The following HYDIN variants were observed in gnomAD, a reference collection of about 807,000 sequenced individuals.
HYDIN encodes the protein axonemal central pair apparatus protein HYDIN.
HYDIN carries 132 observed loss-of-function variants against 403.9 expected under a neutral mutation model. The observed-to-expected ratio is 0.33, with a 90% CI of 0.28 to 0.38. The LOEUF (loss-of-function observed/expected upper bound fraction) is 0.38, where lower values mean the gene tolerates loss of function less well. HYDIN is among the 10% of genes least tolerant of loss of function. The probability of loss-of-function intolerance (pLI) is 1.00; values close to 1 mark genes in which losing one functional copy is unlikely to be tolerated. For synonymous variants in HYDIN, 1,202 were observed against 1,891.7 expected, an observed-to-expected ratio of 0.64 and a Z score of 9.46; for missense variants, 2,827 against 5,009.5, an observed-to-expected ratio of 0.56 and a Z score of 13.15.
intron 7 of HYDIN, among the ~76,000 whole-genome samples, chr16:71,145,286 A>G (rs1395706113): frequency 6.7e-6 from 1 of 150,184 alleles, no homozygotes; most frequent in African/African-American, 2.5e-5. Context: ...GATGGAGTCT[A>G]GCTCTGTCGC....
intron 10 of HYDIN, among the ~76,000 whole-genome samples, chr16:71,109,961 T>C (rs2083752430): frequency 7.8e-6 from 1 of 127,692 alleles, no homozygotes; most frequent in Non-Finnish European, 1.6e-5. Context: ...ACATTTCCTC[T>C]AGACCTATTA....
In HYDIN at chr16:70,807,812, A is replaced by C; in HGVS notation, c.15134T>G (p.Val5045Gly). The change falls in exon 86 of 86, where the codon GTC becomes GGC. Residue 5045 changes from valine (V) to glycine (G), a missense_variant. By Grantham distance (109) the Val-to-Gly change is moderately radical (BLOSUM62 -3). Coordinates refer to ENST00000393567, the MANE Select transcript of HYDIN (RefSeq NM_001270974.2). ...GYSIIIPFKN[V>G]FYHMVTFSII... ...GGAGAAGGTCACCATGTGATAGAAG[A>C]CATTCTTGAAGGGGATGATTATGCT... The C allele has an allele frequency of 6.2e-7, 1 of 1,614,200 alleles. No homozygotes were observed. Among genetic ancestry groups the C allele is most frequent in the Non-Finnish European group, 8.5e-7 (1 of 1,180,036 alleles).
In HYDIN at chr16:71,067,346, G is replaced by A. The variant is rs772295893; in HGVS notation, c.2019C>T (p.Leu673=). The change falls in exon 15 of 86, where the codon CTC becomes CTT. Residue 673 remains leucine (L), a synonymous_variant. Coordinates refer to ENST00000393567, the MANE Select transcript of HYDIN (RefSeq NM_001270974.2). ...CTCCGATGCCCTCCACGTCCACCACGAGTGCCAGCTCGTATTTCTGCACAG... is the reference window on the plus strand; with the variant it reads ...CTCCGATGCCCTCCACGTCCACCACAAGTGCCAGCTCGTATTTCTGCACAG... ...SNTVQKYELA[L]VVDVEGIGEE... 12 of 1,613,184 alleles carry A rather than the reference G, an allele frequency of 7.4e-6. No individual in the cohort carries two copies. The highest frequency in any genetic ancestry group is 4.4e-5 in the South Asian group (4 of 90,994).
chr16:71,180,236 T>C (rs1220020437), intron 3 of HYDIN, among the ~76,000 whole-genome samples: 5 of 151,908 alleles, frequency 3.3e-5, no homozygotes, highest in African/African-American at 7.2e-5. Flanking sequence ...ATAATAAATA[T>C]TATGTCAATA....
intron 25 of HYDIN, among the ~76,000 whole-genome samples, chr16:70,990,838 A>G (rs1007985395): frequency 1.3e-5 from 2 of 152,180 alleles, no homozygotes; most frequent in Non-Finnish European, 2.9e-5. Context: ...GCCAATTCAT[A>G]CTCCTACCCA....
At chr16:71,048,998 G>A (rs1315682301) in intron 18 of HYDIN, among the ~76,000 whole-genome samples, 3 of 152,214 alleles carry the variant, frequency 2.0e-5, no homozygotes, top group African/African-American at 4.8e-5. Flanking sequence ...ATAAATCAAC[G>A]AGTTGAAGCT....
intron 75 of HYDIN, among the ~76,000 whole-genome samples, chr16:70,849,520 AT>A (rs1305226844): frequency 6.6e-6 from 1 of 152,066 alleles, no homozygotes; most frequent in Non-Finnish European, 1.5e-5. Context: ...TTACAATATA[AT>A]TGCTTTTCAA....
At chr16:70,942,533 C>T (rs560628750) in intron 42 of HYDIN, among the ~76,000 whole-genome samples, 4 of 152,296 alleles carry the variant, frequency 2.6e-5, no homozygotes, top group Middle Eastern at 3.4e-3. Flanking sequence ...TGCCTTGGAG[C>T]GTAATGATTT....
chr16:70,887,798 C>T lies in HYDIN; in HGVS notation c.9774+1789G>A, dbSNP rs374266235. Among the ~76,000 whole-genome samples, 31 of 151,092 alleles carry T rather than the reference C, an allele frequency of 2.1e-4. No individual in the cohort carries two copies. The East Asian group carries it at 2.3e-3, about 11-fold the overall frequency. The stretch of plus-strand genomic sequence containing the variant: ...TCCCGGGTTCATGCCATTCTCCTGC[C>T]TCAGCCTCTCGAGTAGCTGGGACTA... On this transcript the variant is annotated intron_variant, in intron 58 of 85. Transcript: ENST00000393567.
chr16:71,115,583 C>A, intron 10 of HYDIN, 113 bp downstream of exon 10: 1 of 643,060 alleles, frequency 1.6e-6, no homozygotes, highest in South Asian at 2.1e-5. Context: ...TATCATGTAC[C>A]GCCCATGGCA....
intron 23 of HYDIN, among the ~76,000 whole-genome samples, chr16:71,005,019 T>A (rs2144084118): frequency 6.6e-6 from 1 of 152,346 alleles, no homozygotes; most frequent in South Asian, 2.1e-4. Context: ...AAGCCTGTGT[T>A]TTTGTTTACT....
At chr16:70,915,977 G>C (rs1183615870) in intron 47 of HYDIN, among the ~76,000 whole-genome samples, 1 of 152,260 alleles carries the variant, frequency 6.6e-6, no homozygotes, top group African/African-American at 2.4e-5. Context: ...CAAAGGGCTG[G>C]TCTTACTCCC....
intron 10 of HYDIN, among the ~76,000 whole-genome samples, chr16:71,099,922 G>A (rs567486107): frequency 2.0e-4 from 30 of 152,148 alleles, no homozygotes; most frequent in Admixed American, 4.6e-4. Flanking sequence ...AGGATCACTT[G>A]AGCCCAGGAG....
At chr16:71,149,168 A>T (rs2085436633) in intron 7 of HYDIN, among the ~76,000 whole-genome samples, 1 of 151,194 alleles carries the variant, frequency 6.6e-6, no homozygotes, top group South Asian at 2.1e-4. Context: ...GGGCAAAAGC[A>T]CATGAAAAGA....
chr16:70,955,678 T>C, intron 39 of HYDIN, 130 bp from the exon 40 acceptor site: 1 of 560,120 alleles, frequency 1.8e-6, no homozygotes. Flanking sequence ...CCCATGTGGC[T>C]GGAGGTGTTA....
intron 39 of HYDIN, among the ~76,000 whole-genome samples, 178 bp from the exon 40 acceptor site, chr16:70,955,726 G>A (rs2078213641): frequency 6.6e-6 from 1 of 152,136 alleles, no homozygotes; most frequent in Admixed American, 6.5e-5. Flanking sequence ...TGGAGTCAGG[G>A]CTGTGGGTCT....
chr16:70,813,479 A>G (rs2035640297), intron 84 of HYDIN, among the ~76,000 whole-genome samples: 1 of 151,706 alleles, frequency 6.6e-6, no homozygotes, highest in African/African-American at 2.4e-5. Context: ...GTCCTGGCTG[A>G]CAACTTGATT....
At chr16:70,818,907 A>G (rs1482585162) in intron 83 of HYDIN, among the ~76,000 whole-genome samples, 2 of 152,144 alleles carry the variant, frequency 1.3e-5, no homozygotes, top group African/African-American at 4.8e-5. Context: ...GTAACTTTCA[A>G]TGGGCTTTCT....
At chr16:70,883,063 C>G (rs1182277758) in intron 59 of HYDIN, among the ~76,000 whole-genome samples, 168 bp from the exon 60 acceptor site, 1 of 152,234 alleles carries the variant, frequency 6.6e-6, no homozygotes, top group Non-Finnish European at 1.5e-5. Context: ...TTGTCTTCCT[C>G]TTTTGTACAG....
Sources: gnomAD v4.1 joint callset for allele counts (sites outside exome capture counted in the v4.1 genomes callset) on GRCh38, gnomAD v4.1.1 for gene constraint, MANE v1.5 for transcripts, NCBI Gene and HGNC (gene_info 2026-07-23, HGNC 2026-07-21) for gene names.